The following TYRO3 variants were observed in gnomAD, a reference collection of about 807,000 sequenced individuals.
TYRO3 encodes the protein TYRO3 protein tyrosine kinase.
TYRO3 carries 38 observed loss-of-function variants against 95.2 expected under a neutral mutation model. The observed-to-expected ratio is 0.40, with a 90% CI of 0.31 to 0.52. The LOEUF (loss-of-function observed/expected upper bound fraction) is 0.52. Among genes scored for constraint, TYRO3 ranks in the 20% least tolerant of loss-of-function variants. The pLI is 0.56. For synonymous variants in TYRO3, 367 were observed against 432.9 expected, an observed-to-expected ratio of 0.85 and a Z score of 1.89; for missense variants, 812 against 1,116.4, an observed-to-expected ratio of 0.73 and a Z score of 3.89.
chr15:41,564,125 C>G, intron 4 of TYRO3, 59 bp from the exon 5 acceptor site: 1 of 1,483,626 alleles, frequency 6.7e-7, no homozygotes, highest in Non-Finnish European at 9.4e-7. Context: ...TCCCCTTTCC[C>G]AGTCCCGCAC....
In TYRO3 at chr15:41,564,250, C is replaced by G; in HGVS notation, c.647C>G (p.Thr216Arg). The change falls in exon 5 of 19, where the codon ACA (threonine) becomes AGA (arginine). Residue 216 changes from threonine to arginine, a missense_variant. Coordinates refer to ENST00000263798, the MANE Select transcript of TYRO3 (RefSeq NM_006293.4). ...HNLKGLASSR[T>R]ATVHLQALPA... Reference sequence around the variant, plus strand: ...CTAAAAGGCCTGGCCTCTTCTCGCACAGCCACTGTTCACCTTCAAGGTAGG... The same window carrying G: ...CTAAAAGGCCTGGCCTCTTCTCGCAGAGCCACTGTTCACCTTCAAGGTAGG... 2 of 1,614,136 alleles carry G rather than the reference C, an allele frequency of 1.2e-6. No individual in the cohort carries two copies. Among genetic ancestry groups the G allele is most frequent in the Non-Finnish European group, 1.7e-6 (2 of 1,179,998 alleles).
rs529339398 is a variant in TYRO3 at position 41,571,522 on chromosome 15, G to T, written c.1661-73G>T. On this transcript the variant is annotated intron_variant, in intron 13 of 18. Transcript: ENST00000263798. ...GAAGCCTAGGACATCTGAAGGACAA[G>T]ACCTAGGAGGCCTGGGTCAAAACTA... The T allele has an allele frequency of 1.2e-5, 13 of 1,051,820 alleles. No individual in the cohort carries two copies. In the South Asian group the frequency reaches 1.4e-4, roughly 11 times the overall value. The allele number at this position is 1,051,820 out of a possible 1,614,324, so 65.2% of individuals were successfully genotyped here. A position where few individuals can be genotyped will look rare whatever the true frequency, so the allele number is the denominator to read the frequency against.
chr15:41,561,736 T>G, intron 3 of TYRO3, 97 bp downstream of exon 3: 1 of 894,296 alleles, frequency 1.1e-6, no homozygotes, highest in South Asian at 1.6e-5. Context: ...GAAGCTGGGC[T>G]GCCCCACTGC....
intron 17 of TYRO3, 54 bp from the exon 18 acceptor site, chr15:41,573,625 C>A: frequency 1.4e-6 from 2 of 1,455,220 alleles, no homozygotes; most frequent in Middle Eastern, 2.0e-4. Flanking sequence ...TGGCTCTCTG[C>A]CTGGCTCAGG....
rs1355293676 is a variant in TYRO3, at chr15:41,573,738, C to T, written c.2205C>T (p.Gly735=). 1 of 1,614,268 alleles carries T rather than the reference C, an allele frequency of 6.2e-7. No individual in the cohort carries two copies. Among genetic ancestry groups the T allele is most frequent in the Non-Finnish European group, 8.5e-7 (1 of 1,180,046 alleles). Residue 735 remains glycine, a synonymous_variant, in exon 18 of 19, where the codon GGC becomes GGT. Transcript: ENST00000263798. The stretch of plus-strand genomic sequence containing the variant: ...CACGTGGGCAGACGCCATATGCTGG[C>T]ATCGAAAACGCTGAGATTTACAACT... ...IMTRGQTPYA[G]IENAEIYNYL...
At position 41,574,855 on chromosome 15, in the gene TYRO3, G is replaced by C. The variant is rs1356104946; in HGVS notation, c.2282+1040G>C. 2.7e-5 allele frequency: 11 copies of C among 414,858 alleles called. No individual in the cohort carries two copies. The East Asian group carries it at 7.8e-4, about 30-fold the overall frequency. 25.7% of individuals were successfully genotyped at this position (414,858 alleles called of 1,614,324 possible). A position where few individuals can be genotyped will look rare whatever the true frequency, so the allele number is the denominator to read the frequency against. The stretch of plus-strand genomic sequence containing the variant: ...CCTCCCCAGCCTTCCAAGTAGCTGG[G>C]ACTACAGGCACGTGCCACCACACTC... On this transcript the variant is annotated intron_variant, in intron 18 of 18. Transcript: ENST00000263798.
chr15:41,572,910 C>T (rs2055815278), intron 15 of TYRO3, 92 bp from the exon 16 acceptor site: 4 of 829,352 alleles, frequency 4.8e-6, no homozygotes, highest in South Asian at 1.8e-5. Flanking sequence ...ATTCTGGGGA[C>T]AGCCTTCAGG....
chr15:41,575,423 G>A (rs2140835211), intron 18 of TYRO3, among the ~76,000 whole-genome samples: 1 of 152,374 alleles, frequency 6.6e-6, no homozygotes, highest in Non-Finnish European at 1.5e-5. Flanking sequence ...TGGAGCTGGT[G>A]CTGTCAATGG....
chr15:41,574,521 T>A (rs959644639), intron 18 of TYRO3: 30 of 399,350 alleles, frequency 7.5e-5, no homozygotes, highest in African/African-American at 5.6e-4. Context: ...AAAATAGGAT[T>A]AGAGAGATTA....
At chr15:41,562,223 T>TAGATCTCGGTGGTC in intron 3 of TYRO3, 1 of 223,014 alleles carries the variant, frequency 4.5e-6, no homozygotes, top group South Asian at 1.1e-4. Context: ...TGGTGGCGTG[T>TAGATCTCGGTGGTC]GCCTGTAGTC....
chr15:41,569,918 T>G, intron 9 of TYRO3, 109 bp from the exon 10 acceptor site: 1 of 1,398,792 alleles, frequency 7.1e-7, no homozygotes, highest in Non-Finnish European at 9.6e-7. Context: ...TCAGGACCCT[T>G]ATTGACCTAG....
intron 6 of TYRO3, 24 bp from the exon 7 acceptor site, chr15:41,567,336 C>G: frequency 6.7e-7 from 1 of 1,497,296 alleles, no homozygotes; most frequent in Non-Finnish European, 8.9e-7. Context: ...TCCCCTACAT[C>G]ATTAGTTTTC....
intron 1 of TYRO3, 64 bp from the exon 2 acceptor site, chr15:41,561,059 AGAAT>A (rs1471071570): frequency 1.6e-5 from 23 of 1,426,186 alleles, no homozygotes; most frequent in South Asian, 9.3e-5. Context: ...CTTCTAGAAG[AGAAT>A]GGGAACTGTT....
chr15:41,583,467 G>A lies in TYRO3; in HGVS notation c.*5191G>A, dbSNP rs1293305926. The A allele has an allele frequency of 6.6e-6, 1 of 152,086 alleles. No individual in the cohort carries two copies. Among genetic ancestry groups the A allele is most frequent in the Non-Finnish European group, 1.5e-5 (1 of 68,010 alleles). The allele number at this position is 152,086 out of a possible 1,614,324, so 9.4% of individuals were successfully genotyped here. ...TAATCTGTCTCCATTTCTCTATATAGCCTCATTGATCTATCTAAACTCCCA... is the reference window on the plus strand; with the variant it reads ...TAATCTGTCTCCATTTCTCTATATAACCTCATTGATCTATCTAAACTCCCA... On this transcript the variant is annotated 3_prime_UTR_variant, in exon 19 of 19. Transcript: ENST00000263798.
At chr15:41,566,483 C>A (rs2055726309) in intron 6 of TYRO3, among the ~76,000 whole-genome samples, 1 of 152,200 alleles carries the variant, frequency 6.6e-6, no homozygotes, top group South Asian at 2.1e-4. Context: ...TATTCAGGAT[C>A]TCTTGCCCTA....
intron 18 of TYRO3, among the ~76,000 whole-genome samples, chr15:41,576,696 C>T (rs1044083558): frequency 7.4e-6 from 1 of 134,518 alleles, no homozygotes; most frequent in Non-Finnish European, 1.6e-5. Context: ...AAGGGCCTCG[C>T]TCTGACAGCC....
At chr15:41,569,173 C>T in intron 9 of TYRO3, 151 bp downstream of exon 9, 1 of 937,676 alleles carries the variant, frequency 1.1e-6, no homozygotes, top group African/African-American at 1.7e-5. Flanking sequence ...TTTAAACTAT[C>T]TTGGCTGGGC....
Position 41,569,028 on chromosome 15 carries a change from G to T in TYRO3, c.1252+6G>T. The T allele has an allele frequency of 6.9e-7, 1 of 1,452,454 alleles. No individual in the cohort carries two copies. The highest frequency in any genetic ancestry group is 1.4e-5 in the African/African-American group (1 of 72,534). 90.0% of individuals were successfully genotyped at this position (1,452,454 alleles called of 1,614,324 possible). ...CTCTTCTCATGACCGTGCAGGTGAGGCTTGTAGGTGGAGAGGGGCAGAGGC... is the reference window on the plus strand; with the variant it reads ...CTCTTCTCATGACCGTGCAGGTGAGTCTTGTAGGTGGAGAGGGGCAGAGGC... On this transcript the variant is annotated splice_donor_region_variant and intron_variant, in intron 9 of 18. Transcript: ENST00000263798.
intron 1 of TYRO3, among the ~76,000 whole-genome samples, chr15:41,560,722 G>A (rs1481529536): frequency 6.6e-6 from 1 of 150,684 alleles, no homozygotes; most frequent in East Asian, 1.9e-4. Flanking sequence ...GGGTGCAGAG[G>A]GTGCTGGCAG....
Sources: allele counts gnomAD v4.1 joint callset (sites outside exome capture counted in the v4.1 genomes callset), GRCh38; gene constraint gnomAD v4.1.1; transcripts MANE v1.5; gene names NCBI Gene and HGNC (gene_info 2026-07-23, HGNC 2026-07-21).